Variants in DNAH11 observed in about 807,000 individuals in gnomAD.
DNAH11 encodes the protein axonemal beta dynein heavy chain 11.
In DNAH11, 442 loss-of-function variants were observed where a neutral mutation model predicts 526.0. The observed-to-expected ratio is 0.84, with a 90% CI of 0.78 to 0.91. DNAH11 has a LOEUF of 0.91. Ranked by LOEUF, DNAH11 falls within the 40% of genes least tolerant of loss-of-function variation. The pLI is 0.00. For synonymous variants in DNAH11, 2,461 were observed against 1,935.9 expected (o/e 1.27, Z -7.12); for missense variants, 6,989 against 5,448.7 (o/e 1.28, Z -8.90).
chr7:21,704,761 TTTTC>T, intron 38 of DNAH11, 133 bp downstream of exon 38: 1 of 971,906 alleles, frequency 1.0e-6, no homozygotes, highest in Non-Finnish European at 1.4e-6. Flanking sequence ...CTTTCAAGCA[TTTTC>T]ATATGGCAGG....
At chr7:21,830,719 C>G (rs1262405400) in intron 65 of DNAH11, among the ~76,000 whole-genome samples, 1 of 152,026 alleles carries the variant, frequency 6.6e-6, no homozygotes, top group African/African-American at 2.4e-5. Flanking sequence ...AGTGGCTCTT[C>G]TTGATCTAAT....
Position 21,599,846 on chromosome 7 carries a change from A to G in DNAH11, c.2727A>G (p.Glu909=). ...TGGATACCTGGAAAATTTATGTAGA[A>G]TTCATTGACGACATTGTGGTGGAAG... The part of the protein sequence containing the change: ...PSLDTWKIYV[E]FIDDIVVEGF... The change falls in exon 15 of 82, where the codon GAA becomes GAG. Residue 909 remains glutamate, a synonymous_variant. Coordinates refer to ENST00000409508, the MANE Select transcript of DNAH11 (RefSeq NM_001277115.2). 6.2e-7 allele frequency: 1 copy of G among 1,601,802 alleles called. No individual in the cohort carries two copies. The highest frequency in any genetic ancestry group is 8.5e-7 in the Non-Finnish European group (1 of 1,172,050).
At chr7:21,701,076 C>G (rs533658669) in intron 36 of DNAH11, among the ~76,000 whole-genome samples, 4 of 152,176 alleles carry the variant, frequency 2.6e-5, no homozygotes, top group Admixed American at 2.6e-4. Flanking sequence ...TGTGCACATT[C>G]TGCACATGTG....
chr7:21,598,442 C>T (rs527813798), intron 14 of DNAH11, among the ~76,000 whole-genome samples: 1 of 152,234 alleles, frequency 6.6e-6, no homozygotes, highest in East Asian at 1.9e-4. Flanking sequence ...ACTGGCTTGT[C>T]CATTGTGTCG....
intron 73 of DNAH11, among the ~76,000 whole-genome samples, chr7:21,872,134 A>AAAAAAAAAAACAAAC: frequency 2.7e-5 from 3 of 111,686 alleles, no homozygotes; most frequent in African/African-American, 1.6e-4. Flanking sequence ...AAAAAAAAAA[A>AAAAAAAAAAACAAAC]AAAAAAAAAA....
Position 21,901,164 on chromosome 7 carries a change from C to A in DNAH11, c.13461C>A (p.Gly4487=), listed in dbSNP as rs769884268. 2 of 1,611,746 alleles carry A rather than the reference C, an allele frequency of 1.2e-6. No homozygotes were observed. The highest frequency in any genetic ancestry group is 3.3e-5 in the Admixed American group (2 of 59,886). Residue 4487 remains glycine (G), a synonymous_variant, in exon 82 of 82, where the codon GGC becomes GGA. Coordinates refer to ENST00000409508, the MANE Select transcript of DNAH11 (RefSeq NM_001277115.2). ...ECPVYRTKLR[G]PSYIWTFRLK... ...CTGTGTATAGAACCAAACTGAGAGGCCCCAGCTACATCTGGACCTTCAGGC... is the reference window on the plus strand; with the variant it reads ...CTGTGTATAGAACCAAACTGAGAGGACCCAGCTACATCTGGACCTTCAGGC...
At chr7:21,670,447 G>C (rs1782600601) in intron 30 of DNAH11, among the ~76,000 whole-genome samples, 1 of 151,888 alleles carries the variant, frequency 6.6e-6, no homozygotes, top group Non-Finnish European at 1.5e-5. Context: ...TACTCTACAG[G>C]GCTTCCTGTG....
At chr7:21,697,970 C>T (rs894976082) in intron 35 of DNAH11, 105 bp from the exon 36 acceptor site, 1 of 1,207,550 alleles carries the variant, frequency 8.3e-7, no homozygotes, top group East Asian at 2.6e-5. Context: ...TTATGATCTG[C>T]TTAGGAATGG....
chr7:21,728,761 A>G (rs936368909), intron 45 of DNAH11, among the ~76,000 whole-genome samples: 1 of 152,256 alleles, frequency 6.6e-6, no homozygotes, highest in African/African-American at 2.4e-5. Context: ...GTGGTAGAAC[A>G]GGCATAGGAT....
chr7:21,596,028 G>A (rs1784847765), intron 14 of DNAH11, among the ~76,000 whole-genome samples: 1 of 152,214 alleles, frequency 6.6e-6, no homozygotes, highest in Admixed American at 6.5e-5. Context: ...ATATGCTCTA[G>A]TGGATATGGA....
intron 30 of DNAH11, among the ~76,000 whole-genome samples, chr7:21,681,311 C>T (rs1783126343): frequency 6.6e-6 from 1 of 151,882 alleles, no homozygotes; most frequent in Non-Finnish European, 1.5e-5. Context: ...CCTGTAATCC[C>T]AACTACTAGG....
intron 63 of DNAH11, among the ~76,000 whole-genome samples, chr7:21,813,386 A>G (rs1313014771): frequency 2.0e-5 from 3 of 152,234 alleles, no homozygotes; most frequent in African/African-American, 7.2e-5. Flanking sequence ...GCAATAAAAT[A>G]GAGATATCTA....
intron 30 of DNAH11, among the ~76,000 whole-genome samples, chr7:21,662,268 A>T (rs2128466831): frequency 6.6e-6 from 1 of 152,236 alleles, no homozygotes; most frequent in South Asian, 2.1e-4. Context: ...TTATAAGAAA[A>T]ATTTTCTAAC....
At chr7:21,815,947 G>A (rs903387126) in intron 63 of DNAH11, among the ~76,000 whole-genome samples, 2 of 151,978 alleles carry the variant, frequency 1.3e-5, no homozygotes, top group Non-Finnish European at 2.9e-5. Flanking sequence ...GACATCCTAA[G>A]TTCCTTTGCA....
intron 45 of DNAH11, among the ~76,000 whole-genome samples, chr7:21,726,800 G>A (rs897064844): frequency 9.7e-4 from 127 of 130,676 alleles, no homozygotes; most frequent in African/African-American, 3.5e-3. Flanking sequence ...GGCGGAGGTC[G>A]CGGTGAGCCG....
Position 21,582,563 on chromosome 7 carries a change from T to C in DNAH11, c.1710+542T>C, listed in dbSNP as rs76734625. Among the ~76,000 whole-genome samples, 1,446 of 152,270 alleles carry C rather than the reference T, an allele frequency of 9.5e-3. 16 individuals are homozygous for C. The highest frequency in any genetic ancestry group is 0.032 in the African/African-American group (1,334 of 41,550). On this transcript the variant is annotated intron_variant, in intron 9 of 81. Coordinates refer to ENST00000409508, the MANE Select transcript of DNAH11 (RefSeq NM_001277115.2). Reference sequence around the variant, plus strand: ...GCATAATGTATTTCAGTCGCAGAGATTTTGAAACATAAAAGTATGCTTGTC... The same window carrying C: ...GCATAATGTATTTCAGTCGCAGAGACTTTGAAACATAAAAGTATGCTTGTC...
intron 54 of DNAH11, among the ~76,000 whole-genome samples, chr7:21,752,956 C>T (rs1265868254): frequency 6.6e-6 from 1 of 152,120 alleles, no homozygotes; most frequent in Admixed American, 6.5e-5. Flanking sequence ...TCATGTCCAC[C>T]CGCCTTGGCC....
chr7:21,674,034 G>T (rs201467969), intron 30 of DNAH11, among the ~76,000 whole-genome samples: 7 of 94,430 alleles, frequency 7.4e-5, no homozygotes, highest in South Asian at 4.0e-4. Flanking sequence ...TGTTTTGTGT[G>T]TGTGTGTGTG....
Position 21,584,223 on chromosome 7 carries a change from G to GTACA in DNAH11, c.1710+2203_1710+2206dup, listed in dbSNP as rs1463857462. On this transcript the variant is annotated intron_variant, in intron 9 of 81. Transcript: ENST00000409508. ...ACTGGATAAAGAAAATGTGGCACAT[G>GTACA]TACACCATGGAATACTATGCAGCCA... Among the ~76,000 whole-genome samples, 3 of 152,154 alleles carry GTACA rather than the reference G, an allele frequency of 2.0e-5. No individual in the cohort carries two copies. In the East Asian group the frequency reaches 5.8e-4, roughly 29 times the overall value.
Sources: gnomAD v4.1 joint callset for allele counts (sites outside exome capture counted in the v4.1 genomes callset) on GRCh38, gnomAD v4.1.1 for gene constraint, MANE v1.5 for transcripts, NCBI Gene and HGNC (gene_info 2026-07-23, HGNC 2026-07-21) for gene names.